The following CDC42BPA variants were observed in gnomAD, a reference collection of about 807,000 sequenced individuals.
CDC42BPA encodes serine/threonine-protein kinase MRCK alpha.
A neutral mutation model predicts 223.5 loss-of-function variants in CDC42BPA; 80 were observed. That is an observed-to-expected ratio of 0.36 (90% CI 0.30 to 0.43). The LOEUF (loss-of-function observed/expected upper bound fraction) is 0.43, where lower values mean the gene tolerates loss of function less well. CDC42BPA is among the 20% of genes least tolerant of loss of function. The pLI is 1.00. For missense variants in CDC42BPA, 1,743 were observed against 2,099.9 expected (o/e 0.83, Z 3.32); for synonymous variants, 694 against 718.6 (o/e 0.97, Z 0.55).
At chr1:227,188,719 C>T (rs1314604117) in intron 5 of CDC42BPA, among the ~76,000 whole-genome samples, 1 of 152,172 alleles carries the variant, frequency 6.6e-6, no homozygotes, top group Admixed American at 6.5e-5. Context: ...AGAGGTGGAA[C>T]ACAGAGCATT....
intron 5 of CDC42BPA, among the ~76,000 whole-genome samples, chr1:227,161,514 A>C (rs1447435792): frequency 1.3e-5 from 2 of 152,226 alleles, no homozygotes; most frequent in African/African-American, 2.4e-5. Context: ...GAATAATGCC[A>C]TTTAAGATCT....
intron 4 of CDC42BPA, among the ~76,000 whole-genome samples, chr1:227,198,952 G>A (rs947410098): frequency 6.6e-6 from 1 of 152,058 alleles, no homozygotes; most frequent in African/African-American, 2.4e-5. Flanking sequence ...GTTTCACCGT[G>A]TTAGCTAGGA....
rs530662318 is a variant in CDC42BPA at position 227,005,275 on chromosome 1, A to T, written c.4858-164T>A. Among the ~76,000 whole-genome samples the T allele has an allele frequency of 5.3e-5, 8 of 152,358 alleles. 1 individual carries two copies. The South Asian group carries it at 1.7e-3, about 32-fold the overall frequency. ...TATAGTCTTTCCCACCCACAAAAGT[A>T]ATAAAACCCTAACATGAAGTAAATC... is the stretch of plus-strand genomic sequence containing the variant. On this transcript the variant is annotated intron_variant, in intron 34 of 36. Transcript: ENST00000366766.
Position 227,083,441 on chromosome 1 carries a change from C to T in CDC42BPA, c.2356-2424G>A, listed in dbSNP as rs59699847. Among the ~76,000 whole-genome samples, 68 of 152,232 alleles carry T rather than the reference C, an allele frequency of 4.5e-4. No individual in the cohort carries two copies. In the East Asian group the frequency reaches 5.2e-3, roughly 12 times the overall value. ...TTTGCTGAAATCCTTCATATGTCTA[C>T]TTTCTTGAACAAATCACACGATTAA... On this transcript the variant is annotated intron_variant, in intron 16 of 36. Coordinates refer to ENST00000366766, the MANE Select transcript of CDC42BPA (RefSeq NM_001394014.1).
chr1:227,134,422 G>A (rs1346687375), intron 10 of CDC42BPA, among the ~76,000 whole-genome samples: 1 of 152,008 alleles, frequency 6.6e-6, no homozygotes, highest in Non-Finnish European at 1.5e-5. Context: ...TATTTCCCTA[G>A]CTCATTTACT....
At chr1:227,130,061 T>A (rs1450565594) in intron 10 of CDC42BPA, among the ~76,000 whole-genome samples, 1 of 152,162 alleles carries the variant, frequency 6.6e-6, no homozygotes, top group Non-Finnish European at 1.5e-5. Context: ...TACAAGGTTT[T>A]AAAAAAACAA....
intron 5 of CDC42BPA, 55 bp from the exon 6 acceptor site, chr1:227,160,691 G>A: frequency 1.6e-5 from 15 of 944,060 alleles, no homozygotes; most frequent in Admixed American, 2.2e-5. Context: ...TTCATTGTTT[G>A]GTAAGATATT....
rs181773764 is a variant in CDC42BPA, at chr1:227,208,266, T to C, written c.354+4870A>G. On this transcript the variant is annotated intron_variant, in intron 3 of 36. Transcript: ENST00000366766. ...CATTGTAGATTCTGGATATTAGCCC[T>C]TTGAGTAGGTTGCAAAAATGTTCTC... Among the ~76,000 whole-genome samples the C allele has an allele frequency of 3.3e-5, 5 of 151,200 alleles. No individual in the cohort carries two copies. In the East Asian group the frequency reaches 7.8e-4, roughly 24 times the overall value.
At chr1:227,089,743 C>A (rs1682740138) in intron 16 of CDC42BPA, among the ~76,000 whole-genome samples, 1 of 149,972 alleles carries the variant, frequency 6.7e-6, no homozygotes, top group South Asian at 2.1e-4. Flanking sequence ...TATTAGACTG[C>A]AACACAATTT....
chr1:227,185,749 A>C (rs10799400), intron 5 of CDC42BPA, among the ~76,000 whole-genome samples: 3 of 143,754 alleles, frequency 2.1e-5, no homozygotes, highest in African/African-American at 2.7e-5. Flanking sequence ...ACGTGTGTCC[A>C]TGTCGTTTTT....
chr1:227,073,819 C>T (rs16846968), intron 19 of CDC42BPA, 45 bp downstream of exon 19: 84,744 of 1,413,784 alleles, frequency 0.06, 4,202 homozygotes, highest in East Asian at 0.28. Context: ...ATAATTATGA[C>T]AAACTTAGAA....
At chr1:227,293,744 G>A (rs1403338889) in intron 1 of CDC42BPA, among the ~76,000 whole-genome samples, 1 of 152,144 alleles carries the variant, frequency 6.6e-6, no homozygotes, top group Non-Finnish European at 1.5e-5. Context: ...CTGGGAGGTG[G>A]AGGTTGCAGT....
At chr1:226,997,326 T>G (rs536196357) in intron 35 of CDC42BPA, among the ~76,000 whole-genome samples, 2 of 152,274 alleles carry the variant, frequency 1.3e-5, no homozygotes, top group African/African-American at 4.8e-5. Context: ...TTTTTTATTA[T>G]GTCTATTTGA....
chr1:227,283,310 C>G (rs1352100695), intron 1 of CDC42BPA, among the ~76,000 whole-genome samples: 4 of 152,060 alleles, frequency 2.6e-5, no homozygotes. Context: ...TTTCTATATA[C>G]ACATAAACGA....
chr1:227,253,638 A>ACATACATT (rs1682539196), intron 2 of CDC42BPA, among the ~76,000 whole-genome samples: 1 of 126,968 alleles, frequency 7.9e-6, no homozygotes, highest in Non-Finnish European at 2.0e-5. Context: ...ATACATACAT[A>ACATACATT]CATACATACA....
intron 24 of CDC42BPA, 68 bp from the exon 25 acceptor site, chr1:227,035,675 A>T (rs899572649): frequency 7.0e-6 from 8 of 1,139,182 alleles, no homozygotes; most frequent in Middle Eastern, 2.1e-4. Flanking sequence ...CGTAACACTC[A>T]CTGCATACAA....
At chr1:227,281,469 T>C (rs1688005287) in intron 1 of CDC42BPA, among the ~76,000 whole-genome samples, 1 of 152,196 alleles carries the variant, frequency 6.6e-6, no homozygotes, top group Non-Finnish European at 1.5e-5. Flanking sequence ...GGCTCTTCTC[T>C]TGGATCCCAT....
intron 1 of CDC42BPA, among the ~76,000 whole-genome samples, chr1:227,293,758 C>A (rs2148671973): frequency 6.6e-6 from 1 of 152,188 alleles, no homozygotes; most frequent in African/African-American, 2.4e-5. Flanking sequence ...TTGCAGTGAG[C>A]CGAGATGGCG....
intron 2 of CDC42BPA, among the ~76,000 whole-genome samples, chr1:227,238,668 T>C (rs1324676857): frequency 2.6e-5 from 4 of 152,088 alleles, no homozygotes; most frequent in Admixed American, 6.5e-5. Flanking sequence ...AACCTAACTA[T>C]ATGAAAAAGG....
Sources: allele counts gnomAD v4.1 joint callset (sites outside exome capture counted in the v4.1 genomes callset), GRCh38; gene constraint gnomAD v4.1.1; transcripts MANE v1.5; gene names NCBI Gene and HGNC (gene_info 2026-07-23, HGNC 2026-07-21).